Variants in AFF3 observed in about 807,000 individuals in gnomAD.
AFF3 encodes ALF transcription elongation factor 3, also known as AF4/FMR2 family member 3.
A neutral mutation model predicts 129.7 loss-of-function variants in AFF3; 32 were observed. The observed-to-expected ratio is 0.25, with a 90% CI of 0.19 to 0.33. The LOEUF is 0.33. Ranked by LOEUF, AFF3 falls within the 10% of genes least tolerant of loss-of-function variation. The probability of loss-of-function intolerance (pLI) is 1.00; values close to 1 mark genes in which losing one functional copy is unlikely to be tolerated. For missense variants in AFF3, 1,373 were observed against 1,592.0 expected (o/e 0.86, Z 2.34); for synonymous variants, 644 against 635.4 (o/e 1.01, Z -0.20).
chr2:99,851,813 A>G (rs1424728104), intron 7 of AFF3, among the ~76,000 whole-genome samples: 1 of 152,220 alleles, frequency 6.6e-6, no homozygotes, highest in Non-Finnish European at 1.5e-5. Context: ...TACTCCATTG[A>G]CAACCTGCCA....
chr2:99,578,829 G>C (rs553665902), intron 17 of AFF3, among the ~76,000 whole-genome samples: 4 of 152,204 alleles, frequency 2.6e-5, no homozygotes, highest in African/African-American at 4.8e-5. Flanking sequence ...GGCCAGTTCA[G>C]TCTTCATCAG....
chr2:99,553,777 G>A (rs1213211301), intron 24 of AFF3, among the ~76,000 whole-genome samples: 5 of 151,814 alleles, frequency 3.3e-5, no homozygotes, highest in Non-Finnish European at 5.9e-5. Context: ...AGCTGGGAGC[G>A]GTGGCACATG....
intron 7 of AFF3, among the ~76,000 whole-genome samples, chr2:99,924,791 A>T (rs1043804857): frequency 7.9e-5 from 12 of 152,174 alleles, no homozygotes; most frequent in African/African-American, 2.9e-4. Context: ...CAGATTTAGG[A>T]ATTATTAAAA....
intron 8 of AFF3, among the ~76,000 whole-genome samples, chr2:99,820,093 G>C (rs1687537512): frequency 6.6e-6 from 1 of 152,154 alleles, no homozygotes; most frequent in African/African-American, 2.4e-5. Context: ...AACTATCAAA[G>C]GCACAGTCAT....
intron 7 of AFF3, among the ~76,000 whole-genome samples, chr2:99,914,487 C>T (rs1207184196): frequency 2.0e-5 from 3 of 152,100 alleles, no homozygotes; most frequent in Admixed American, 6.6e-5. Context: ...ATTAGGACAA[C>T]GTGAGAAATT....
rs963542094 is a variant in AFF3 at position 100,061,865 on chromosome 2, G to C, written c.53+42537C>G. On this transcript the variant is annotated intron_variant, in intron 4 of 24. Coordinates refer to ENST00000672756, the MANE Select transcript of AFF3 (RefSeq NM_001386135.1). ...GATGGGTAGCACAGTGGAGGGGGGG[G>C]GGGTGCCGACTCTCAAGTCCACTGA... is the stretch of plus-strand genomic sequence containing the variant. 1.7e-4 allele frequency among the ~76,000 whole-genome samples: 25 copies of C among 150,314 alleles called. 3 individuals carry two copies. Among genetic ancestry groups the C allele is most frequent in the Non-Finnish European group, 3.1e-4 (21 of 67,432 alleles).
intron 4 of AFF3, among the ~76,000 whole-genome samples, chr2:100,050,911 C>A (rs77972567): frequency 6.6e-6 from 1 of 152,180 alleles, no homozygotes; most frequent in African/African-American, 2.4e-5. Context: ...GGAACAGTCC[C>A]GCGGAAAGAA....
chr2:100,083,566 C>T (rs1328999238), intron 4 of AFF3, among the ~76,000 whole-genome samples: 2 of 152,214 alleles, frequency 1.3e-5, no homozygotes, highest in African/African-American at 2.4e-5. Context: ...CAATAGAGTT[C>T]TTACAGTTCT....
chr2:99,785,393 C>T (rs1422888639), intron 8 of AFF3, among the ~76,000 whole-genome samples: 2 of 152,146 alleles, frequency 1.3e-5, no homozygotes, highest in East Asian at 1.9e-4. Flanking sequence ...ATAAGGACAG[C>T]GCTAGTTCGA....
At chr2:99,838,323 A>G (rs1689053591) in intron 7 of AFF3, among the ~76,000 whole-genome samples, 1 of 152,128 alleles carries the variant, frequency 6.6e-6, no homozygotes, top group Admixed American at 6.5e-5. Flanking sequence ...CTGCAATTCA[A>G]GGATGTCAAC....
chr2:100,047,128 C>T (rs547175037), intron 4 of AFF3, among the ~76,000 whole-genome samples: 18 of 152,360 alleles, frequency 1.2e-4, no homozygotes, highest in African/African-American at 3.6e-4. Context: ...CCGACGGCCA[C>T]GTGGAGCCAA....
intron 7 of AFF3, among the ~76,000 whole-genome samples, chr2:99,938,606 T>G (rs1017351649): frequency 3.3e-5 from 5 of 152,210 alleles, no homozygotes; most frequent in Non-Finnish European, 5.9e-5. Context: ...AGCAGATTAC[T>G]CTGTGTAATG....
intron 7 of AFF3, among the ~76,000 whole-genome samples, chr2:99,880,403 G>A (rs145720648): frequency 1.3e-5 from 2 of 152,184 alleles, no homozygotes; most frequent in African/African-American, 2.4e-5. Context: ...TTTTCCCCTC[G>A]GGAAAGACCA....
intron 7 of AFF3, among the ~76,000 whole-genome samples, chr2:99,949,566 T>C (rs1485153206): frequency 6.6e-6 from 1 of 151,760 alleles, no homozygotes; most frequent in East Asian, 1.9e-4. Context: ...AACTAGATGG[T>C]CCCATCTGGG....
At chr2:100,012,925 T>A (rs1682680119) in intron 4 of AFF3, among the ~76,000 whole-genome samples, 2 of 152,214 alleles carry the variant, frequency 1.3e-5, no homozygotes, top group South Asian at 4.1e-4. Context: ...ATTACAAAAA[T>A]CACATTCCTC....
chr2:99,920,771 G>A (rs568309837), intron 7 of AFF3, among the ~76,000 whole-genome samples: 17 of 152,044 alleles, frequency 1.1e-4, no homozygotes, highest in African/African-American at 3.9e-4. Context: ...TTCATCATGT[G>A]TATGTAAAAA....
intron 9 of AFF3, among the ~76,000 whole-genome samples, chr2:99,748,053 T>C (rs1681320667): frequency 6.6e-6 from 1 of 152,116 alleles, no homozygotes; most frequent in Non-Finnish European, 1.5e-5. Flanking sequence ...CCTCGGGTCC[T>C]GGGGCTGCAG....
intron 7 of AFF3, among the ~76,000 whole-genome samples, chr2:99,959,686 T>C (rs941879640): frequency 1.3e-4 from 18 of 137,792 alleles, no homozygotes; most frequent in South Asian, 2.3e-4. Context: ...TTTTAAAAAA[T>C]AGTGTATAGC....
chr2:99,694,801 G>T (rs1676036262), intron 11 of AFF3, among the ~76,000 whole-genome samples: 1 of 152,112 alleles, frequency 6.6e-6, no homozygotes, highest in Non-Finnish European at 1.5e-5. Flanking sequence ...CAGCCTCCTG[G>T]GTTCAAGCGA....
Sources: gnomAD v4.1 joint callset for allele counts (sites outside exome capture counted in the v4.1 genomes callset) on GRCh38, gnomAD v4.1.1 for gene constraint, MANE v1.5 for transcripts, NCBI Gene and HGNC (gene_info 2026-07-23, HGNC 2026-07-21) for gene names.